FCHO1: variants seen among roughly 807,000 people sequenced by gnomAD.
FCHO1 encodes F-BAR domain only protein 1.
Under a neutral mutation model 114.4 loss-of-function variants are expected in FCHO1, and 45 were observed. That is an observed-to-expected ratio of 0.39 (90% CI 0.31 to 0.50). The LOEUF is 0.50. Among genes scored for constraint, FCHO1 ranks in the 20% least tolerant of loss-of-function variants. The pLI is 0.77. For synonymous variants in FCHO1, 480 were observed against 488.9 expected, an observed-to-expected ratio of 0.98 and a Z score of 0.24; for missense variants, 1,042 against 1,209.6, an observed-to-expected ratio of 0.86 and a Z score of 2.06.
rs752155104 is a variant in FCHO1 at position 17,781,781 on chromosome 19, C to T, written c.1898C>T (p.Thr633Ile). 1.4e-5 allele frequency: 23 copies of T among 1,611,484 alleles called. No homozygotes were observed. The highest frequency in any genetic ancestry group is 7.7e-5 in the South Asian group (7 of 90,804). Reference sequence around the variant, plus strand: ...GCCCTGCCCATAGCCACAGCCTTCACAGAGTATGTCCACGCCTACTTCCGT... The same window carrying T: ...GCCCTGCCCATAGCCACAGCCTTCATAGAGTATGTCCACGCCTACTTCCGT... Reference protein sequence around the residue: ...QDALPIATAFTEYVHAYFRGH... With the variant: ...QDALPIATAFIEYVHAYFRGH... Residue 633 changes from threonine (T) to isoleucine (I), a missense_variant, in exon 23 of 29, where the codon ACA (threonine) becomes ATA (isoleucine). Physicochemically the swap from Thr to Ile is moderately conservative, Grantham distance 89. This residue lies in a region of FCHO1 where 455 missense variants were observed against 455.4 expected (regional missense o/e 1.00). Transcript: ENST00000596536.
At chr19:17,778,963 A>G in intron 20 of FCHO1, 79 bp downstream of exon 20, 1 of 1,397,554 alleles carries the variant, frequency 7.2e-7, no homozygotes, top group Non-Finnish European at 9.4e-7. Flanking sequence ...GCAGGGCCTG[A>G]TCAGGCTGCT....
chr19:17,769,131 C>A (rs956871668), intron 7 of FCHO1, among the ~76,000 whole-genome samples: 1 of 151,160 alleles, frequency 6.6e-6, no homozygotes, highest in African/African-American at 2.4e-5. Context: ...CAAAATTAGC[C>A]GGGCATGGTG....
In FCHO1 at chr19:17,760,643, G is replaced by T. The variant is rs192589503; in HGVS notation, c.28-2119G>T. On this transcript the variant is annotated intron_variant, in intron 4 of 28. Transcript: ENST00000596536. Reference sequence around the variant, plus strand: ...TTGGGGCTTTGGGGAGCATTGACATGGATTATCTTGCTGCTTGTATCATCT... The same window carrying T: ...TTGGGGCTTTGGGGAGCATTGACATTGATTATCTTGCTGCTTGTATCATCT... Among the ~76,000 whole-genome samples the T allele has an allele frequency of 3.9e-5, 6 of 152,192 alleles. No homozygotes were observed. In the East Asian group the frequency reaches 1.2e-3, roughly 29 times the overall value.
chr19:17,760,037 G>A (rs1371677066), intron 4 of FCHO1, among the ~76,000 whole-genome samples: 1 of 123,836 alleles, frequency 8.1e-6, no homozygotes, highest in Non-Finnish European at 1.6e-5. Flanking sequence ...TGTGTCTCCT[G>A]TTTTGCCATC....
chr19:17,752,773 A>T (rs2082321526), intron 1 of FCHO1, among the ~76,000 whole-genome samples: 1 of 151,588 alleles, frequency 6.6e-6, no homozygotes, highest in African/African-American at 2.4e-5. Context: ...AATTAGTTAG[A>T]CATGTAGTCC....
chr19:17,765,923 C>G (rs1173973119), intron 6 of FCHO1, among the ~76,000 whole-genome samples: 4 of 124,464 alleles, frequency 3.2e-5, no homozygotes, highest in Admixed American at 9.7e-5. Context: ...GAGTCTCACT[C>G]TGTCGCCCAG....
At chr19:17,781,426 G>A (rs1056402753) in intron 21 of FCHO1, 26 bp from the exon 22 acceptor site, 1 of 1,613,624 alleles carries the variant, frequency 6.2e-7, no homozygotes, top group Non-Finnish European at 8.5e-7. Flanking sequence ...GGCACTCACA[G>A]CCAAGATTGT....
upstream of FCHO1, among the ~76,000 whole-genome samples, chr19:17,750,391 A>G (rs944974119): frequency 3.3e-5 from 5 of 152,198 alleles, no homozygotes; most frequent in African/African-American, 1.2e-4. Flanking sequence ...TCTTGGGTTG[A>G]AGGAAACATT....
chr19:17,771,663 T>C (rs112461625), intron 9 of FCHO1, among the ~76,000 whole-genome samples: 5,558 of 151,716 alleles, frequency 0.037, 147 homozygotes, highest in Non-Finnish European at 0.06. Flanking sequence ...AGCGAGACTC[T>C]GTCTCAAAAA....
At chr19:17,766,571 C>T in intron 6 of FCHO1, 98 bp from the exon 7 acceptor site, 1 of 1,464,184 alleles carries the variant, frequency 6.8e-7, no homozygotes, top group East Asian at 2.3e-5. Flanking sequence ...TCATGTTTAG[C>T]AGGGCTCAGC....
Position 17,784,375 on chromosome 19 carries a change from T to C in FCHO1, c.2226+140T>C. ...AAGAGATCCAATCTGTGAGAGCCGATGAGCTGGAGGGAGTAGGCAGTGTGG... is the reference window on the plus strand; with the variant it reads ...AAGAGATCCAATCTGTGAGAGCCGACGAGCTGGAGGGAGTAGGCAGTGTGG... On this transcript the variant is annotated intron_variant, in intron 25 of 28. Coordinates refer to ENST00000596536, the MANE Select transcript of FCHO1 (RefSeq NM_015122.3). The surrounding 1 kb of genome is among the most constrained non-coding windows in gnomAD (Gnocchi z 5.3). The C allele has an allele frequency of 9.0e-7, 1 of 1,108,594 alleles. No individual in the cohort carries two copies. The highest frequency in any genetic ancestry group is 1.3e-6 in the Non-Finnish European group (1 of 783,212). 68.7% of individuals were successfully genotyped at this position (1,108,594 alleles called of 1,614,324 possible). A position where few individuals can be genotyped will look rare whatever the true frequency, so the allele number is the denominator to read the frequency against.
chr19:17,759,107 GA>G (rs2084999417), intron 4 of FCHO1, among the ~76,000 whole-genome samples: 1 of 152,044 alleles, frequency 6.6e-6, no homozygotes, highest in South Asian at 2.1e-4. Context: ...TGGCTTCACT[GA>G]TGTGTGTTGG....
At chr19:17,778,354 G>A in intron 19 of FCHO1, 126 bp downstream of exon 19, 1 of 868,490 alleles carries the variant, frequency 1.2e-6, no homozygotes, top group Non-Finnish European at 1.8e-6. Flanking sequence ...CCGTGTAGGG[G>A]TGGGCGGGGC....
At chr19:17,771,754 AG>A (rs1458260038) in intron 9 of FCHO1, among the ~76,000 whole-genome samples, 1 of 152,212 alleles carries the variant, frequency 6.6e-6, no homozygotes, top group East Asian at 1.9e-4. Flanking sequence ...TGAGTTGTGG[AG>A]GTTTCAGTCA....
chr19:17,757,444 G>A (rs547278375), intron 4 of FCHO1, among the ~76,000 whole-genome samples: 65 of 152,296 alleles, frequency 4.3e-4, no homozygotes, highest in African/African-American at 1.2e-3. Context: ...CCTGGGGCCA[G>A]CACTGTGCCA....
rs2091651392 is a variant in FCHO1 at position 17,771,788 on chromosome 19, T to C, written c.595-669T>C. 2.0e-5 allele frequency among the ~76,000 whole-genome samples: 3 copies of C among 152,194 alleles called. No homozygotes were observed. In the South Asian group the frequency reaches 6.2e-4, roughly 32 times the overall value. On this transcript the variant is annotated intron_variant, in intron 9 of 28. Coordinates refer to ENST00000596536, the MANE Select transcript of FCHO1 (RefSeq NM_015122.3). ...TCATAGCTGAATCCATGTGCTCAAA[T>C]AGTGCTGGCAGGAAATTGTGAATTT... is the stretch of plus-strand genomic sequence containing the variant.
At chr19:17,778,399 G>A in intron 19 of FCHO1, 171 bp downstream of exon 19, 1 of 754,138 alleles carries the variant, frequency 1.3e-6, no homozygotes, top group Non-Finnish European at 2.1e-6. Flanking sequence ...AGATAGGGTG[G>A]GGCCTTGGCC....
Position 17,776,567 on chromosome 19 carries a change from T to C in FCHO1, c.1208-68T>C. ...TGGACACCCCCGAGCCTCGGTCCCTTGGTCTGTGGAGTGGGGAGCATTGCA... is the reference window on the plus strand; with the variant it reads ...TGGACACCCCCGAGCCTCGGTCCCTCGGTCTGTGGAGTGGGGAGCATTGCA... On this transcript the variant is annotated intron_variant, in intron 17 of 28. Coordinates refer to ENST00000596536, the MANE Select transcript of FCHO1 (RefSeq NM_015122.3). The surrounding 1 kb of genome is among the most constrained non-coding windows in gnomAD (Gnocchi z 4.4). 1 of 1,572,906 alleles carries C rather than the reference T, an allele frequency of 6.4e-7. No homozygotes were observed. The highest frequency in any genetic ancestry group is 2.2e-5 in the East Asian group (1 of 44,640).
intron 7 of FCHO1, among the ~76,000 whole-genome samples, chr19:17,767,408 A>AAAAAAG (rs80074381): frequency 6.9e-6 from 1 of 144,940 alleles, no homozygotes; most frequent in African/African-American, 2.5e-5. Context: ...AAAAAAAAAA[A>AAAAAAG]CACCCAAAAC....
Sources: gnomAD v4.1 joint callset for allele counts (sites outside exome capture counted in the v4.1 genomes callset) on GRCh38, gnomAD v4.1.1 for gene constraint, gnomAD v4.1.1 regional missense constraint, Gnocchi (gnomAD v3.1) non-coding constraint, MANE v1.5 for transcripts, NCBI Gene and HGNC (gene_info 2026-07-23, HGNC 2026-07-21) for gene names.